The following PRKD1 variants were observed in gnomAD, a reference collection of about 807,000 sequenced individuals.
The protein encoded by PRKD1 is protein kinase D1.
Under a neutral mutation model 95.9 loss-of-function variants are expected in PRKD1, and 63 were observed. The observed-to-expected ratio is 0.66, with a 90% CI of 0.54 to 0.81. The LOEUF (loss-of-function observed/expected upper bound fraction) is 0.81. Among genes scored for constraint, PRKD1 ranks in the 30% least tolerant of loss-of-function variants. The probability of loss-of-function intolerance (pLI) is 0.00; values close to 1 mark genes in which losing one functional copy is unlikely to be tolerated. For synonymous variants in PRKD1, 425 were observed against 423.1 expected (o/e 1.00, Z -0.05); for missense variants, 1,048 against 1,165.3 (o/e 0.90, Z 1.47).
chr14:29,701,029 G>A (rs996095318), intron 2 of PRKD1, among the ~76,000 whole-genome samples: 3 of 127,698 alleles, frequency 2.3e-5, no homozygotes, highest in African/African-American at 1.0e-4. Context: ...TGGGAACTCT[G>A]GGAATCCTAC....
At chr14:29,716,954 A>C (rs1263910966) in intron 2 of PRKD1, among the ~76,000 whole-genome samples, 1 of 152,204 alleles carries the variant, frequency 6.6e-6, no homozygotes, top group East Asian at 1.9e-4. Context: ...GCAATTTTCT[A>C]AAAGACATTT....
At chr14:29,613,772 C>A (rs1357321256) in intron 13 of PRKD1, among the ~76,000 whole-genome samples, 1 of 152,214 alleles carries the variant, frequency 6.6e-6, no homozygotes, top group African/African-American at 2.4e-5. Flanking sequence ...CATGAACCCA[C>A]AGTAAGCCCA....
chr14:29,911,866 C>T (rs995026541), intron 1 of PRKD1, among the ~76,000 whole-genome samples: 4 of 152,178 alleles, frequency 2.6e-5, no homozygotes, highest in African/African-American at 9.7e-5. Context: ...CAGCTTCTAG[C>T]TTTTCCTATG....
intron 1 of PRKD1, among the ~76,000 whole-genome samples, chr14:29,840,289 A>G (rs1185134401): frequency 6.6e-6 from 1 of 152,170 alleles, no homozygotes; most frequent in Admixed American, 6.5e-5. Flanking sequence ...TCTCTTTCCT[A>G]AAACATAGGA....
chr14:29,629,948 TTCCTTC>T lies in PRKD1; in HGVS notation c.1672+788_1672+793del, dbSNP rs200281211. On this transcript the variant is annotated intron_variant, in intron 10 of 17. Transcript: ENST00000331968. ...TGGCTAGATTTCTTCTTCTTCCTTC[TTCCTTC>T]TCCTTCTCCTTCTTCCTTTTCCTCT... Among the ~76,000 whole-genome samples, 1,306 of 150,726 alleles carry T rather than the reference TTCCTTC, an allele frequency of 8.7e-3. 5 individuals carry two copies. The highest frequency in any genetic ancestry group is 0.021 in the Middle Eastern group (6 of 286).
At chr14:29,757,251 A>T (rs948651796) in intron 1 of PRKD1, among the ~76,000 whole-genome samples, 9 of 152,172 alleles carry the variant, frequency 5.9e-5, no homozygotes, top group African/African-American at 1.9e-4. Context: ...GAGAAACATC[A>T]TGCTAAACCC....
At chr14:29,910,455 G>A (rs938194141) in intron 1 of PRKD1, among the ~76,000 whole-genome samples, 1 of 152,134 alleles carries the variant, frequency 6.6e-6, no homozygotes, top group Non-Finnish European at 1.5e-5. Context: ...AAGTCAGCGA[G>A]GCCAAGAACC....
chr14:29,768,105 A>G (rs929085964), intron 1 of PRKD1, among the ~76,000 whole-genome samples: 1 of 152,228 alleles, frequency 6.6e-6, no homozygotes. Flanking sequence ...TGCTTGCAAC[A>G]TATCACTAGA....
At chr14:29,653,969 C>G (rs1028140061) in intron 4 of PRKD1, among the ~76,000 whole-genome samples, 1 of 151,974 alleles carries the variant, frequency 6.6e-6, no homozygotes, top group South Asian at 2.1e-4. Context: ...GGAGGAAAAG[C>G]CTTTTAAAAT....
chr14:29,675,964 CA>C (rs1555334340), intron 2 of PRKD1, among the ~76,000 whole-genome samples: 12 of 123,732 alleles, frequency 9.7e-5, no homozygotes, highest in African/African-American at 2.2e-4. Flanking sequence ...GAACATCACA[CA>C]TCGGGGCCTG....
Position 29,663,749 on chromosome 14 carries a change from G to C in PRKD1, c.646C>G (p.Arg216Gly), listed in dbSNP as rs145651161. Residue 216 changes from arginine (R) to glycine (G), a missense_variant, in exon 4 of 18, where the codon CGC (arginine) becomes GGC (glycine). By Grantham distance (125) the Arg-to-Gly change is moderately radical. Transcript: ENST00000331968. Reference sequence around the variant, plus strand: ...GTAGAGAGTTCAGCAGATGATGTGCGGATGGTGCTGACCCCAGTGAGGGAA... The same window carrying C: ...GTAGAGAGTTCAGCAGATGATGTGCCGATGGTGCTGACCCCAGTGAGGGAA... ...NVSLTGVSTI[R>G]TSSAELSTSA... The C allele has an allele frequency of 1.2e-4, 200 of 1,614,012 alleles. 5 individuals are homozygous for C. In the South Asian group the frequency reaches 1.9e-3, roughly 15 times the overall value.
At chr14:29,695,798 G>T (rs1419758477) in intron 2 of PRKD1, among the ~76,000 whole-genome samples, 1 of 152,182 alleles carries the variant, frequency 6.6e-6, no homozygotes, top group Non-Finnish European at 1.5e-5. Flanking sequence ...AAGAGTGCCA[G>T]CCAAGGCAAA....
intron 10 of PRKD1, among the ~76,000 whole-genome samples, chr14:29,630,399 T>A (rs10138589): frequency 0.34 from 51,711 of 151,964 alleles, 10,725 homozygotes; most frequent in African/African-American, 0.58. Flanking sequence ...TTGGCCTCCC[T>A]AAGAGCTGGG....
chr14:29,745,232 C>T (rs2333627), intron 1 of PRKD1, among the ~76,000 whole-genome samples: 24,972 of 152,032 alleles, frequency 0.16, 2,260 homozygotes, highest in South Asian at 0.23. Flanking sequence ...AAGTCATCAC[C>T]ACCTACACTT....
chr14:29,777,618 A>G (rs1888828631), intron 1 of PRKD1, among the ~76,000 whole-genome samples: 1 of 152,250 alleles, frequency 6.6e-6, no homozygotes, highest in Non-Finnish European at 1.5e-5. Flanking sequence ...TATGAACCCA[A>G]TACGGGAGCA....
intron 1 of PRKD1, among the ~76,000 whole-genome samples, chr14:29,855,062 T>C (rs1228806609): frequency 6.6e-6 from 1 of 152,226 alleles, no homozygotes; most frequent in Non-Finnish European, 1.5e-5. Context: ...GAAACTCTGC[T>C]AGTGTAGTGT....
At chr14:29,802,574 A>T (rs948339031) in intron 1 of PRKD1, among the ~76,000 whole-genome samples, 1 of 152,242 alleles carries the variant, frequency 6.6e-6, no homozygotes, top group African/African-American at 2.4e-5. Flanking sequence ...CATCTTTAGA[A>T]TGATACTATC....
intron 1 of PRKD1, among the ~76,000 whole-genome samples, chr14:29,896,386 A>ACACC (rs1004931351): frequency 2.0e-5 from 3 of 151,584 alleles, no homozygotes; most frequent in African/African-American, 7.3e-5. Flanking sequence ...ACACACACAC[A>ACACC]CCCATCAAGA....
chr14:29,686,141 C>T (rs1007412856), intron 2 of PRKD1, among the ~76,000 whole-genome samples: 1 of 152,220 alleles, frequency 6.6e-6, no homozygotes, highest in Non-Finnish European at 1.5e-5. Context: ...CCCTGTCCCA[C>T]TGATAGCTTG....
Sources: allele counts gnomAD v4.1 joint callset (sites outside exome capture counted in the v4.1 genomes callset), GRCh38; gene constraint gnomAD v4.1.1; transcripts MANE v1.5; gene names NCBI Gene and HGNC (gene_info 2026-07-23, HGNC 2026-07-21).